The following CWC22 variants were observed in gnomAD, a reference collection of about 807,000 sequenced individuals.
CWC22 encodes the protein pre-mRNA-splicing factor CWC22 homolog.
Under a neutral mutation model 117.2 loss-of-function variants are expected in CWC22, and 53 were observed. The ratio of observed to expected loss-of-function variants is 0.45; its 90% CI spans 0.36 to 0.57. CWC22 has a LOEUF of 0.57. Ranked by LOEUF, CWC22 falls within the 20% of genes least tolerant of loss-of-function variation. The pLI, the probability that CWC22 is intolerant of heterozygous loss-of-function variation, is 0.00. For missense variants in CWC22, 980 were observed against 1,068.8 expected, an observed-to-expected ratio of 0.92 and a Z score of 1.16; for synonymous variants, 360 against 355.6, an observed-to-expected ratio of 1.01 and a Z score of -0.14.
chr2:179,983,417 T>A (rs1033796059), intron 4 of CWC22, among the ~76,000 whole-genome samples: 163 of 152,252 alleles, frequency 1.1e-3, no homozygotes, highest in African/African-American at 3.9e-3. Context: ...TCTAGCTCCA[T>A]CCATGTCCCT....
Position 179,976,728 on chromosome 2 carries a change from G to C in CWC22, c.581+1462C>G, listed in dbSNP as rs865850524. 9.9e-5 allele frequency among the ~76,000 whole-genome samples: 15 copies of C among 152,248 alleles called. No individual in the cohort carries two copies. In the Middle Eastern group the frequency reaches 0.01, roughly 104 times the overall value. On this transcript the variant is annotated intron_variant, in intron 6 of 19. Transcript: ENST00000410053. Reference sequence around the variant, plus strand: ...ACATCTCACAACTGTTACAATGGCTGTAATAAAAAAGATGAAAAATAGCAA... The same window carrying C: ...ACATCTCACAACTGTTACAATGGCTCTAATAAAAAAGATGAAAAATAGCAA...
chr2:179,950,954 G>A (rs1214395996), intron 17 of CWC22, 28 bp from the exon 18 acceptor site: 2 of 1,322,236 alleles, frequency 1.5e-6, no homozygotes, highest in African/African-American at 3.0e-5. Flanking sequence ...AAACAAAAGA[G>A]AACACATTGC....
intron 10 of CWC22, 34 bp downstream of exon 10, chr2:179,970,616 A>G: frequency 6.3e-7 from 1 of 1,595,954 alleles, no homozygotes; most frequent in Non-Finnish European, 8.5e-7. Context: ...ATTTGTTGGT[A>G]AGCCTCTTTC....
intron 1 of CWC22, among the ~76,000 whole-genome samples, chr2:179,997,443 C>A (rs1342469564): frequency 6.6e-6 from 1 of 152,094 alleles, no homozygotes; most frequent in Non-Finnish European, 1.5e-5. Context: ...TAGGGATAAC[C>A]CTTATCTCAG....
chr2:179,967,578 C>T (rs1488406165), intron 11 of CWC22, among the ~76,000 whole-genome samples: 1 of 152,220 alleles, frequency 6.6e-6, no homozygotes, highest in African/African-American at 2.4e-5. Context: ...CATCAAACTT[C>T]ACTAGTAATC....
At chr2:180,003,746 A>C (rs1409432900) in intron 1 of CWC22, among the ~76,000 whole-genome samples, 1 of 152,216 alleles carries the variant, frequency 6.6e-6, no homozygotes, top group East Asian at 1.9e-4. Flanking sequence ...TTAGGCTGAA[A>C]GACAGGTTAA....
chr2:179,948,293 G>A (rs1686359773), intron 19 of CWC22, among the ~76,000 whole-genome samples: 1 of 146,722 alleles, frequency 6.8e-6, no homozygotes, highest in African/African-American at 2.5e-5. Context: ...ATTTACAGTT[G>A]ACTAAATAAA....
Position 179,973,234 on chromosome 2 carries a change from T to C in CWC22, c.763A>G (p.Thr255Ala). 3 of 1,600,264 alleles carry C rather than the reference T, an allele frequency of 1.9e-6. No individual in the cohort carries two copies. The East Asian group carries it at 6.7e-5, about 36-fold the overall frequency. Residue 255 changes from threonine (T) to alanine (A), a missense_variant, in exon 8 of 20, where the codon ACT (threonine) becomes GCT (alanine). This residue lies in a region of CWC22 where 559 missense variants were observed against 602.3 expected (regional missense o/e 0.93). Transcript: ENST00000410053. ...YRRNDKQLCL[T>A]ASKFVAHLIN... ...AGATGCGCCACAAATTTTGAAGCAGTCAGGCAAAGTTGCTGAAAAATAAAG... is the reference window on the plus strand; with the variant it reads ...AGATGCGCCACAAATTTTGAAGCAGCCAGGCAAAGTTGCTGAAAAATAAAG...
chr2:179,983,598 T>C (rs1251815776), intron 4 of CWC22, among the ~76,000 whole-genome samples: 2 of 152,078 alleles, frequency 1.3e-5, no homozygotes, highest in African/African-American at 4.8e-5. Context: ...CTTTATAATA[T>C]AATTATTTAT....
intron 3 of CWC22, among the ~76,000 whole-genome samples, chr2:179,987,873 T>C (rs1687460467): frequency 6.6e-6 from 1 of 152,214 alleles, no homozygotes; most frequent in South Asian, 2.1e-4. Flanking sequence ...TAATATGATA[T>C]AATCCAGCGG....
At chr2:179,984,402 T>C (rs2105544429) in intron 4 of CWC22, among the ~76,000 whole-genome samples, 1 of 152,192 alleles carries the variant, frequency 6.6e-6, no homozygotes, top group African/African-American at 2.4e-5. Flanking sequence ...CAGACAAGCC[T>C]GGATTTTGAA....
At chr2:179,988,061 GTT>G (rs1448919648) in intron 3 of CWC22, among the ~76,000 whole-genome samples, 1 of 152,180 alleles carries the variant, frequency 6.6e-6, no homozygotes, top group Non-Finnish European at 1.5e-5. Flanking sequence ...TCACAAGAGG[GTT>G]TGTGCTCCTA....
chr2:180,004,871 T>C (rs898570279), intron 1 of CWC22, among the ~76,000 whole-genome samples: 6 of 152,066 alleles, frequency 3.9e-5, no homozygotes, highest in African/African-American at 1.4e-4. Flanking sequence ...TAATAAATAC[T>C]GGCTGGCCAT....
At chr2:179,971,620 T>C (rs539038277) in intron 8 of CWC22, among the ~76,000 whole-genome samples, 52 of 152,198 alleles carry the variant, frequency 3.4e-4, no homozygotes, top group Non-Finnish European at 6.0e-4. Flanking sequence ...CAGTTTTGAA[T>C]AGTCTATCTT....
At chr2:179,946,055 G>A (rs559379796) in intron 19 of CWC22, among the ~76,000 whole-genome samples, 4 of 152,030 alleles carry the variant, frequency 2.6e-5, no homozygotes, top group Non-Finnish European at 2.9e-5. Flanking sequence ...GCTAATTTTC[G>A]TATTTTTAGT....
At chr2:179,977,778 C>G (rs775169568) in intron 6 of CWC22, among the ~76,000 whole-genome samples, 1 of 152,124 alleles carries the variant, frequency 6.6e-6, no homozygotes, top group African/African-American at 2.4e-5. Flanking sequence ...TTTAGTCATT[C>G]TACAAAGTAC....
intron 13 of CWC22, among the ~76,000 whole-genome samples, chr2:179,959,992 T>A (rs566599944): frequency 1.3e-5 from 2 of 152,180 alleles, no homozygotes; most frequent in African/African-American, 4.8e-5. Context: ...ACTAATCAGA[T>A]AAAAGGGTTT....
rs528783922 is a variant in CWC22, at chr2:179,949,345, C to T, written c.2140+1167G>A. On this transcript the variant is annotated intron_variant, in intron 19 of 19. Coordinates refer to ENST00000410053, the MANE Select transcript of CWC22 (RefSeq NM_020943.3). ...ACCTACAAATCAACAGAGAAAACAACTTAACTAAAAAAAATTGGTAAAATA... is the reference window on the plus strand; with the variant it reads ...ACCTACAAATCAACAGAGAAAACAATTTAACTAAAAAAAATTGGTAAAATA... Among the ~76,000 whole-genome samples the T allele has an allele frequency of 6.6e-5, 10 of 152,228 alleles. No individual in the cohort carries two copies. In the South Asian group the frequency reaches 1.2e-3, roughly 19 times the overall value.
intron 1 of CWC22, among the ~76,000 whole-genome samples, chr2:180,005,723 C>T (rs1207786766): frequency 6.6e-6 from 1 of 152,170 alleles, no homozygotes; most frequent in Non-Finnish European, 1.5e-5. Context: ...TAATACAACG[C>T]TAACGCTGTG....
Sources: gnomAD v4.1 joint callset for allele counts (sites outside exome capture counted in the v4.1 genomes callset) on GRCh38, gnomAD v4.1.1 for gene constraint, gnomAD v4.1.1 regional missense constraint, MANE v1.5 for transcripts, NCBI Gene and HGNC (gene_info 2026-07-23, HGNC 2026-07-21) for gene names.